Variants in BASP1 observed in about 807,000 individuals in gnomAD.
BASP1 encodes the protein brain acid soluble protein 1.
A neutral mutation model predicts 2.2 loss-of-function variants in BASP1; 1 was observed. That is an observed-to-expected ratio of 0.46 (90% confidence interval 0.16 to 2.17). BASP1 has a LOEUF of 2.17. BASP1 is among the 30% of genes most tolerant of loss of function. The pLI, the probability that BASP1 is intolerant of heterozygous loss-of-function variation, is 0.27. For synonymous variants in BASP1, 187 were observed against 154.2 expected, an observed-to-expected ratio of 1.21 and a Z score of -1.58; for missense variants, 352 against 327.2, an observed-to-expected ratio of 1.08 and a Z score of -0.58.
rs931903696 is a variant in BASP1, at chr5:17,251,498, G to C, written c.-9-23710G>C. Among the ~76,000 whole-genome samples, 1 of 152,150 alleles carries C rather than the reference G, an allele frequency of 6.6e-6. No homozygotes were observed. On this transcript the variant is annotated intron_variant, in intron 1 of 1. Transcript: ENST00000322611. The surrounding 1 kb of genome is among the most constrained non-coding windows in gnomAD (Gnocchi z 4.0). Reference sequence around the variant, plus strand: ...CTCAGCTCTTCCTTCCACAGTGTTGGTTTCTGTGGAAGGGTCCAAACAGCG... The same window carrying C: ...CTCAGCTCTTCCTTCCACAGTGTTGCTTTCTGTGGAAGGGTCCAAACAGCG...
chr5:17,267,974 G>T (rs1023160364), intron 1 of BASP1, among the ~76,000 whole-genome samples: 1 of 151,890 alleles, frequency 6.6e-6, no homozygotes, highest in African/African-American at 2.4e-5. Flanking sequence ...ATATTTTTAT[G>T]ACAGTGATTA....
At chr5:17,237,007 G>A (rs554584001) in intron 1 of BASP1, among the ~76,000 whole-genome samples, 21 of 152,158 alleles carry the variant, frequency 1.4e-4, no homozygotes, top group African/African-American at 4.1e-4. Flanking sequence ...CCAGCCCACC[G>A]GGTAGTAAAC....
At chr5:17,219,241 C>T (rs890795357) in intron 1 of BASP1, among the ~76,000 whole-genome samples, 2 of 152,080 alleles carry the variant, frequency 1.3e-5, no homozygotes, top group African/African-American at 4.8e-5. Context: ...GTGTGGAGGG[C>T]CCGGCAGCCC....
At chr5:17,229,249 C>G (rs1035034357) in intron 1 of BASP1, among the ~76,000 whole-genome samples, 2 of 152,178 alleles carry the variant, frequency 1.3e-5, no homozygotes, top group African/African-American at 2.4e-5. Context: ...GCTAATTACA[C>G]AGTTCCAGGC....
chr5:17,241,137 T>C (rs1046639539), intron 1 of BASP1, among the ~76,000 whole-genome samples: 19 of 151,578 alleles, frequency 1.3e-4, no homozygotes, highest in Admixed American at 4.6e-4. Context: ...TTTTGCTCTG[T>C]TGCCCAGGCT....
rs200099591 is a variant in BASP1, at chr5:17,275,357, G to C, written c.141G>C (p.Glu47Asp). ...PKESEPQAAA[E>D]PAEAKEGKEK... Reference sequence around the variant, plus strand: ...AGAGTGAGCCCCAGGCGGCCGCAGAGCCCGCCGAGGCCAAGGAGGGCAAGG... The same window carrying C: ...AGAGTGAGCCCCAGGCGGCCGCAGACCCCGCCGAGGCCAAGGAGGGCAAGG... The change falls in exon 2 of 2, where the codon GAG (glutamate) becomes GAC (aspartate). Residue 47 changes from glutamate (E) to aspartate (D), a missense_variant. By Grantham distance (45) the Glu-to-Asp change is conservative. Transcript: ENST00000322611. The surrounding 1 kb of genome is among the most constrained non-coding windows in gnomAD (Gnocchi z 5.3). 3.8e-6 allele frequency: 6 copies of C among 1,594,782 alleles called. No individual in the cohort carries two copies. The East Asian group carries it at 1.4e-4, about 36-fold the overall frequency.
chr5:17,275,566 G>C lies in BASP1; in HGVS notation c.350G>C (p.Gly117Ala). The C allele has an allele frequency of 7.2e-7, 1 of 1,395,276 alleles. No homozygotes were observed. Among genetic ancestry groups the C allele is most frequent in the Non-Finnish European group, 9.3e-7 (1 of 1,079,096 alleles). 86.4% of individuals were successfully genotyped at this position (1,395,276 alleles called of 1,614,324 possible). A position where few individuals can be genotyped will look rare whatever the true frequency, so the allele number is the denominator to read the frequency against. Residue 117 changes from glycine to alanine, a missense_variant, in exon 2 of 2, where the codon GGC (glycine) becomes GCC (alanine). Coordinates refer to ENST00000322611, the MANE Select transcript of BASP1 (RefSeq NM_006317.5). This position sits in a 1 kb window ranked among gnomAD's most constrained non-coding sequence, Gnocchi z 5.3. ...GCGGCCCCCGGCCCCGCTGCGGGCG[G>C]CGAGGCCCCCAAAGCTGCTGAGGCC... Reference protein sequence around the residue: ...EQAAPGPAAGGEAPKAAEAAA... With the variant: ...EQAAPGPAAGAEAPKAAEAAA...
chr5:17,262,910 G>A (rs1026504840), intron 1 of BASP1, among the ~76,000 whole-genome samples: 14 of 151,072 alleles, frequency 9.3e-5, no homozygotes, highest in African/African-American at 1.7e-4. Flanking sequence ...GCAGTGGCAC[G>A]ATCTCGGCTC....
intron 1 of BASP1, among the ~76,000 whole-genome samples, chr5:17,249,792 A>C (rs78137192): frequency 0.073 from 11,091 of 152,114 alleles, 570 homozygotes; most frequent in Middle Eastern, 0.13. Flanking sequence ...TCAACCCACA[A>C]CTTGATCTAA....
chr5:17,232,083 G>A (rs933156571), intron 1 of BASP1, among the ~76,000 whole-genome samples: 11 of 152,202 alleles, frequency 7.2e-5, no homozygotes, highest in African/African-American at 2.7e-4. Context: ...CTAAAGCCCT[G>A]AGACATTACA....
At position 17,252,028 on chromosome 5, in the gene BASP1, T is replaced by A. The variant is rs74966486; in HGVS notation, c.-9-23180T>A. Among the ~76,000 whole-genome samples, 378 of 152,158 alleles carry A rather than the reference T, an allele frequency of 2.5e-3. 7 individuals carry two copies. The East Asian group carries it at 0.052, about 21-fold the overall frequency. On this transcript the variant is annotated intron_variant, in intron 1 of 1. Transcript: ENST00000322611. ...TCCCAGCAAGTGCACCAAGACTGAA[T>A]TGGTGAGCGCCAAGGATGACAGCCC...
intron 1 of BASP1, among the ~76,000 whole-genome samples, chr5:17,246,842 A>G (rs924170938): frequency 3.9e-5 from 6 of 152,332 alleles, no homozygotes; most frequent in Middle Eastern, 6.8e-3. Flanking sequence ...ACGCTTTGGC[A>G]GTGACCATTG....
chr5:17,221,175 T>C (rs1321291147), intron 1 of BASP1, among the ~76,000 whole-genome samples: 1 of 152,212 alleles, frequency 6.6e-6, no homozygotes, highest in African/African-American at 2.4e-5. Context: ...AGGGAAAGCC[T>C]AGCAAGTCTA....
At chr5:17,237,945 A>G (rs1308535761) in intron 1 of BASP1, among the ~76,000 whole-genome samples, 1 of 152,118 alleles carries the variant, frequency 6.6e-6, no homozygotes. Flanking sequence ...GATTACCTGT[A>G]GTTCTCAGTG....
chr5:17,271,005 C>T (rs919603161), intron 1 of BASP1, among the ~76,000 whole-genome samples: 1 of 152,184 alleles, frequency 6.6e-6, no homozygotes, highest in Non-Finnish European at 1.5e-5. Flanking sequence ...CCAGATTAAA[C>T]TCAGTGAAAT....
intron 1 of BASP1, among the ~76,000 whole-genome samples, chr5:17,218,796 C>T (rs1057367583): frequency 6.6e-6 from 1 of 150,658 alleles, no homozygotes; most frequent in Non-Finnish European, 1.5e-5. Context: ...ATCCTGGATC[C>T]GATCGCACGC....
intron 1 of BASP1, among the ~76,000 whole-genome samples, chr5:17,261,696 G>A (rs1005591620): frequency 1.3e-5 from 2 of 152,118 alleles, no homozygotes; most frequent in African/African-American, 4.8e-5. Context: ...AGAACTTTGC[G>A]CTGTCAAGAT....
intron 1 of BASP1, among the ~76,000 whole-genome samples, chr5:17,269,717 A>T (rs1266611665): frequency 6.6e-6 from 1 of 152,254 alleles, no homozygotes; most frequent in Non-Finnish European, 1.5e-5. Context: ...AAGCTATTTG[A>T]CATATGATAA....
chr5:17,226,522 A>G (rs377146875), intron 1 of BASP1, among the ~76,000 whole-genome samples: 2 of 152,234 alleles, frequency 1.3e-5, no homozygotes, highest in East Asian at 1.9e-4. Flanking sequence ...CCACTGACAG[A>G]GAGAACTAGC....
Sources: gnomAD v4.1 joint callset for allele counts (sites outside exome capture counted in the v4.1 genomes callset) on GRCh38, gnomAD v4.1.1 for gene constraint, Gnocchi (gnomAD v3.1) non-coding constraint, MANE v1.5 for transcripts, NCBI Gene and HGNC (gene_info 2026-07-23, HGNC 2026-07-21) for gene names.